Variants in GPC5 observed in about 807,000 individuals in gnomAD.
GPC5 encodes the protein glypican 5.
In GPC5, 47 loss-of-function variants were observed where a neutral mutation model predicts 53.9. That is an observed-to-expected ratio of 0.87 (90% confidence interval 0.69 to 1.11). The LOEUF is 1.11. GPC5 is among the 50% of genes most tolerant of loss of function. The pLI is 0.00. For synonymous variants in GPC5, 286 were observed against 263.3 expected (o/e 1.09, Z -0.84); for missense variants, 748 against 713.1 (o/e 1.05, Z -0.56).
chr13:92,835,665 A>C (rs1478505130), intron 7 of GPC5, among the ~76,000 whole-genome samples: 1 of 152,036 alleles, frequency 6.6e-6, no homozygotes. Flanking sequence ...GTTTGTAAAG[A>C]GATCCTTATT....
intron 7 of GPC5, among the ~76,000 whole-genome samples, chr13:92,399,877 C>A (rs2139335058): frequency 6.6e-6 from 1 of 152,288 alleles, no homozygotes; most frequent in South Asian, 2.1e-4. Flanking sequence ...ACACTGGATA[C>A]TTACTTGTTT....
At chr13:92,531,241 T>G (rs1881553749) in intron 7 of GPC5, among the ~76,000 whole-genome samples, 1 of 152,128 alleles carries the variant, frequency 6.6e-6, no homozygotes, top group Admixed American at 6.5e-5. Flanking sequence ...ACCCATGTAA[T>G]AAAATATTAA....
intron 7 of GPC5, among the ~76,000 whole-genome samples, chr13:92,177,589 C>T (rs994982733): frequency 3.9e-5 from 6 of 152,062 alleles, no homozygotes; most frequent in Non-Finnish European, 7.4e-5. Context: ...TCAGAATAAC[C>T]TAGATCAGAT....
rs1218540663 is a variant in GPC5 at position 92,066,314 on chromosome 13, T to C, written c.1402-78516T>C. Among the ~76,000 whole-genome samples the C allele has an allele frequency of 2.6e-5, 4 of 151,992 alleles. No homozygotes were observed. The East Asian group carries it at 7.7e-4, about 29-fold the overall frequency. On this transcript the variant is annotated intron_variant, in intron 6 of 7. Transcript: ENST00000377067. ...TCAGTAAATCTTTACTAAATGAATT[T>C]TAGATGATGGAATGGACCATTGTGG...
At chr13:91,477,958 T>C (rs763133933) in intron 2 of GPC5, among the ~76,000 whole-genome samples, 2 of 152,190 alleles carry the variant, frequency 1.3e-5, no homozygotes, top group Non-Finnish European at 2.9e-5. Context: ...TAGATGGTCA[T>C]TGGGTGCACA....
chr13:91,579,047 A>C (rs2032247911), intron 2 of GPC5, among the ~76,000 whole-genome samples: 1 of 152,220 alleles, frequency 6.6e-6, no homozygotes, highest in Admixed American at 6.5e-5. Flanking sequence ...CCCTGTCTCT[A>C]AATAAATAAA....
chr13:92,244,622 TG>T (rs2042637056), intron 7 of GPC5, among the ~76,000 whole-genome samples: 1 of 152,198 alleles, frequency 6.6e-6, no homozygotes, highest in South Asian at 2.1e-4. Flanking sequence ...CATAGGTGTT[TG>T]TTTTTTTAAT....
intron 7 of GPC5, among the ~76,000 whole-genome samples, chr13:92,565,053 G>A (rs1882821016): frequency 6.6e-6 from 1 of 151,928 alleles, no homozygotes; most frequent in Non-Finnish European, 1.5e-5. Flanking sequence ...GGACTCTTCT[G>A]GAAGGTAAAA....
At chr13:92,023,688 A>ACACACACG (rs1250877407) in intron 6 of GPC5, among the ~76,000 whole-genome samples, 2 of 105,292 alleles carry the variant, frequency 1.9e-5, no homozygotes, top group African/African-American at 6.6e-5. Context: ...ACACACACAC[A>ACACACACG]CACACACTCT....
rs189713063 is a variant in GPC5 at position 92,673,059 on chromosome 13, A to G, written c.1562-193223A>G. ...AATAAAAGTTTAAAAAGAAAGCAAA[A>G]AAACTCAACTTTAAAGTAGCTCAAT... On this transcript the variant is annotated intron_variant, in intron 7 of 7. Coordinates refer to ENST00000377067, the MANE Select transcript of GPC5 (RefSeq NM_004466.6). Among the ~76,000 whole-genome samples, 118 of 152,270 alleles carry G rather than the reference A, an allele frequency of 7.7e-4. 1 individual carries two copies. Among genetic ancestry groups the G allele is most frequent in the African/African-American group, 2.5e-3 (105 of 41,566 alleles).
Position 91,873,106 on chromosome 13 carries a change from G to A in GPC5, c.1281-34831G>A, listed in dbSNP as rs184687829. ...ATTTTATAGAAAATGATATGCAATT[G>A]CCATAGAAAATGATATGCAATTGCC... On this transcript the variant is annotated intron_variant, in intron 5 of 7. Coordinates refer to ENST00000377067, the MANE Select transcript of GPC5 (RefSeq NM_004466.6). Among the ~76,000 whole-genome samples the A allele has an allele frequency of 1.1e-3, 171 of 152,190 alleles. 1 individual carries two copies. Among genetic ancestry groups the A allele is most frequent in the Non-Finnish European group, 7.4e-5 (5 of 68,004 alleles).
At chr13:91,965,178 CAT>C (rs2040169299) in intron 6 of GPC5, among the ~76,000 whole-genome samples, 3 of 151,968 alleles carry the variant, frequency 2.0e-5, no homozygotes, top group African/African-American at 7.3e-5. Context: ...CAAATGTATA[CAT>C]GTGTAAAAAA....
At chr13:91,966,846 A>C (rs2040185386) in intron 6 of GPC5, among the ~76,000 whole-genome samples, 1 of 152,240 alleles carries the variant, frequency 6.6e-6, no homozygotes, top group African/African-American at 2.4e-5. Context: ...TGTACTGTTT[A>C]CTACTGAGAG....
intron 7 of GPC5, among the ~76,000 whole-genome samples, chr13:92,577,572 A>G (rs1352758728): frequency 6.6e-6 from 1 of 152,170 alleles, no homozygotes; most frequent in African/African-American, 2.4e-5. Context: ...CATGTGGTTT[A>G]CATTAAGTCA....
intron 7 of GPC5, among the ~76,000 whole-genome samples, chr13:92,204,671 G>T (rs954615695): frequency 6.6e-6 from 1 of 152,170 alleles, no homozygotes; most frequent in South Asian, 2.1e-4. Flanking sequence ...TCATAGTTGT[G>T]ATTTATCATA....
intron 6 of GPC5, 126 bp from the exon 7 acceptor site, chr13:92,144,704 T>C: frequency 1.2e-6 from 1 of 837,210 alleles, no homozygotes; most frequent in Non-Finnish European, 1.8e-6. Flanking sequence ...CTTAAAGACT[T>C]GACTTGGTGT....
intron 2 of GPC5, among the ~76,000 whole-genome samples, chr13:91,616,092 G>A (rs2033688345): frequency 1.3e-5 from 2 of 152,096 alleles, no homozygotes; most frequent in Admixed American, 6.6e-5. Flanking sequence ...GTATTAATCT[G>A]CTGGTAAGTG....
chr13:91,420,009 G>T (rs73614206), intron 1 of GPC5, among the ~76,000 whole-genome samples: 1 of 151,994 alleles, frequency 6.6e-6, no homozygotes, highest in Non-Finnish European at 1.5e-5. Flanking sequence ...GGTTAAATTT[G>T]GGCCTGGGTT....
At chr13:92,517,003 C>A (rs976186983) in intron 7 of GPC5, among the ~76,000 whole-genome samples, 4 of 151,924 alleles carry the variant, frequency 2.6e-5, no homozygotes, top group Admixed American at 6.6e-5. Flanking sequence ...TTCCAATGGT[C>A]TTAGCAAATG....
Sources: gnomAD v4.1 joint callset for allele counts (sites outside exome capture counted in the v4.1 genomes callset) on GRCh38, gnomAD v4.1.1 for gene constraint, MANE v1.5 for transcripts, NCBI Gene and HGNC (gene_info 2026-07-23, HGNC 2026-07-21) for gene names.